Variants in PLXNA2 observed in about 807,000 individuals in gnomAD.
PLXNA2 encodes the protein plexin-A2.
A neutral mutation model predicts 193.5 loss-of-function variants in PLXNA2; 91 were observed. The observed-to-expected ratio is 0.47, with a 90% CI of 0.40 to 0.56. The LOEUF (loss-of-function observed/expected upper bound fraction) is 0.56. Ranked by LOEUF, PLXNA2 falls within the 20% of genes least tolerant of loss-of-function variation. The pLI, the probability that PLXNA2 is intolerant of heterozygous loss-of-function variation, is 0.00. For missense variants in PLXNA2, 1,995 were observed against 2,503.2 expected, an observed-to-expected ratio of 0.80 and a Z score of 4.33; for synonymous variants, 997 against 1,027.3, an observed-to-expected ratio of 0.97 and a Z score of 0.56.
chr1:208,118,989 G>C (rs1166923909), intron 4 of PLXNA2, among the ~76,000 whole-genome samples: 1 of 152,160 alleles, frequency 6.6e-6, no homozygotes, highest in Non-Finnish European at 1.5e-5. Flanking sequence ...ATAATACAAT[G>C]GCTTGATTCC....
At position 208,236,805 on chromosome 1, in the gene PLXNA2, CCTT is replaced by C. The variant is rs1671871009; in HGVS notation, c.-81+6835_-81+6837del. Among the ~76,000 whole-genome samples the C allele has an allele frequency of 6.6e-6, 1 of 152,168 alleles. No individual in the cohort carries two copies. Among genetic ancestry groups the C allele is most frequent in the African/African-American group, 2.4e-5 (1 of 41,442 alleles). On this transcript the variant is annotated intron_variant, in intron 1 of 31. Transcript: ENST00000367033. The surrounding 1 kb of genome is among the most constrained non-coding windows in gnomAD (Gnocchi z 4.4). ...TTACATTGTGGAGGGGGCAAGAACT[CCTT>C]CTCTTCGGAAATACAAGACTACACA...
chr1:208,096,254 C>T, intron 7 of PLXNA2, 129 bp from the exon 8 acceptor site: 1 of 720,304 alleles, frequency 1.4e-6, no homozygotes, highest in Non-Finnish European at 2.4e-6. Flanking sequence ...CTATGTGGAA[C>T]CTGCCTGAAT....
At chr1:208,195,793 A>G (rs1186992953) in intron 3 of PLXNA2, among the ~76,000 whole-genome samples, 2 of 150,124 alleles carry the variant, frequency 1.3e-5, no homozygotes, top group Admixed American at 1.3e-4. Context: ...CAGATTTTTT[A>G]TTTCTTTGAT....
At position 208,038,681 on chromosome 1, in the gene PLXNA2, G is replaced by T; in HGVS notation, c.4660+144C>A. The T allele has an allele frequency of 1.1e-6, 1 of 903,014 alleles. No individual in the cohort carries two copies. The allele number at this position is 903,014 out of a possible 1,614,324, so 55.9% of individuals were successfully genotyped here. On this transcript the variant is annotated intron_variant, in intron 25 of 31. Transcript: ENST00000367033. The surrounding 1 kb of genome is among the most constrained non-coding windows in gnomAD (Gnocchi z 4.1). ...CCCCAGAGACAGCCACATCTGAACA[G>T]GCAGCGCTCAAAGCGGGAAGCATTT...
rs756441525 is a variant in PLXNA2 at position 208,031,548 on chromosome 1, C to A, written c.5225+42G>T. The A allele has an allele frequency of 3.1e-6, 5 of 1,610,664 alleles. No homozygotes were observed. The Admixed American group carries it at 6.7e-5, about 21-fold the overall frequency. ...GTCCTCATCCCTCTTAGCTCCAGGC[C>A]TCTCCAGGCTGCACCTCCTGCTGAG... On this transcript the variant is annotated intron_variant, in intron 29 of 31. Transcript: ENST00000367033.
At chr1:208,098,712 A>T in intron 6 of PLXNA2, 134 bp downstream of exon 6, 1 of 1,027,672 alleles carries the variant, frequency 9.7e-7, no homozygotes, top group Non-Finnish European at 1.4e-6. Flanking sequence ...TACGTTTGCT[A>T]TAAACATAAA....
chr1:208,184,878 A>T (rs181335843), intron 3 of PLXNA2, among the ~76,000 whole-genome samples: 50 of 152,290 alleles, frequency 3.3e-4, no homozygotes, highest in Middle Eastern at 3.4e-3. Context: ...GTCCCAGCTA[A>T]ATAGGCAAGC....
At chr1:208,118,468 G>A (rs939984712) in intron 4 of PLXNA2, among the ~76,000 whole-genome samples, 11 of 152,370 alleles carry the variant, frequency 7.2e-5, no homozygotes, top group African/African-American at 2.6e-4. Flanking sequence ...AGATAAGGCT[G>A]CAGTCAGGAA....
At chr1:208,160,472 T>A (rs1226743043) in intron 3 of PLXNA2, among the ~76,000 whole-genome samples, 1 of 152,202 alleles carries the variant, frequency 6.6e-6, no homozygotes, top group Non-Finnish European at 1.5e-5. Flanking sequence ...CAGAACTAGG[T>A]AGAACACGGC....
chr1:208,046,561 AGT>A lies in PLXNA2; in HGVS notation c.3256-446_3256-445del, dbSNP rs146562998. On this transcript the variant is annotated intron_variant, in intron 17 of 31. Transcript: ENST00000367033. ...CTAGGAGTGTCTGTGTGTGTGCATG[AGT>A]GTGTGTGTGTGTGTGTATGTGTGTG... 1.1e-3 allele frequency among the ~76,000 whole-genome samples: 158 copies of A among 148,820 alleles called. 1 individual carries two copies. The highest frequency in any genetic ancestry group is 3.5e-3 in the Middle Eastern group (1 of 288).
In PLXNA2 at chr1:208,034,581, C is replaced by T; in HGVS notation, c.4776G>A (p.Arg1592=). 6.2e-7 allele frequency: 1 copy of T among 1,611,456 alleles called. No individual in the cohort carries two copies. ...GTTTGGGGACCAGAGCCACCACCGA[C>T]CTGTCTGACACCTGAGAAGGGTACA... ...NTLMHYQVSD[R]SVVALVPKQT... is the part of the protein sequence containing the mutation. The change falls in exon 27 of 32, where the codon AGG becomes AGA. Residue 1592 remains arginine (R), a synonymous_variant. Transcript: ENST00000367033.
At position 208,044,817 on chromosome 1, in the gene PLXNA2, A is replaced by G. The variant is rs1665002012; in HGVS notation, c.3640-75T>C. On this transcript the variant is annotated intron_variant, in intron 19 of 31. Transcript: ENST00000367033. This position sits in a 1 kb window ranked among gnomAD's most constrained non-coding sequence, Gnocchi z 4.9. ...CCCGGGCATGCCAGCAGATCCTTAC[A>G]GTGCGAGGAAGGACATGACAGACCA... 1 of 1,209,348 alleles carries G rather than the reference A, an allele frequency of 8.3e-7. No individual in the cohort carries two copies. Among genetic ancestry groups the G allele is most frequent in the South Asian group, 1.3e-5 (1 of 75,466 alleles). The allele number at this position is 1,209,348 out of a possible 1,614,324, so 74.9% of individuals were successfully genotyped here.
intron 3 of PLXNA2, among the ~76,000 whole-genome samples, chr1:208,186,541 G>A (rs920367404): frequency 3.3e-5 from 5 of 152,156 alleles, no homozygotes; most frequent in Non-Finnish European, 7.3e-5. Flanking sequence ...ATGCCAGCAG[G>A]TGTTGCTGGC....
At chr1:208,226,532 G>A (rs1274685411) in intron 1 of PLXNA2, among the ~76,000 whole-genome samples, 3 of 152,102 alleles carry the variant, frequency 2.0e-5, no homozygotes, top group Non-Finnish European at 2.9e-5. Context: ...GCTGGCGGGG[G>A]CTCTGTTTCT....
At chr1:208,076,233 A>C (rs1666145643) in intron 12 of PLXNA2, among the ~76,000 whole-genome samples, 1 of 151,774 alleles carries the variant, frequency 6.6e-6, no homozygotes, top group South Asian at 2.1e-4. Flanking sequence ...ACACCCAGCA[A>C]AATTTAGAAT....
chr1:208,138,749 T>C (rs1668377203), intron 4 of PLXNA2, among the ~76,000 whole-genome samples: 1 of 152,188 alleles, frequency 6.6e-6, no homozygotes, highest in South Asian at 2.1e-4. Context: ...TAAATTGCTC[T>C]GGCATGGTGG....
chr1:208,114,410 G>A (rs1461725733), intron 4 of PLXNA2, among the ~76,000 whole-genome samples: 2 of 152,190 alleles, frequency 1.3e-5, no homozygotes, highest in Non-Finnish European at 2.9e-5. Flanking sequence ...ATTTGGCAAA[G>A]CCTGACTGCC....
At chr1:208,157,172 C>T (rs75852231) in intron 3 of PLXNA2, among the ~76,000 whole-genome samples, 2,029 of 152,324 alleles carry the variant, frequency 0.013, 41 homozygotes, top group African/African-American at 0.044. Flanking sequence ...ATTTCTTGCT[C>T]ATTTCATTTC....
intron 4 of PLXNA2, among the ~76,000 whole-genome samples, chr1:208,112,306 C>T (rs1177253894): frequency 1.3e-5 from 2 of 152,162 alleles, no homozygotes; most frequent in Non-Finnish European, 2.9e-5. Flanking sequence ...CAGGTAGAGG[C>T]CATATTTTGT....
Sources: gnomAD v4.1 joint callset for allele counts (sites outside exome capture counted in the v4.1 genomes callset) on GRCh38, gnomAD v4.1.1 for gene constraint, Gnocchi (gnomAD v3.1) non-coding constraint, MANE v1.5 for transcripts, NCBI Gene and HGNC (gene_info 2026-07-23, HGNC 2026-07-21) for gene names.